STK32B: variants seen among roughly 807,000 people sequenced by gnomAD.
The protein encoded by STK32B is serine/threonine kinase 32B.
A neutral mutation model predicts 52.6 loss-of-function variants in STK32B; 43 were observed. That is an observed-to-expected ratio of 0.82 (90% confidence interval 0.64 to 1.05). The LOEUF (loss-of-function observed/expected upper bound fraction) is 1.05. Among genes scored for constraint, STK32B ranks in the 50% least tolerant of loss-of-function variants. STK32B has a pLI of 0.00. For missense variants in STK32B, 621 were observed against 534.6 expected (o/e 1.16, Z -1.59); for synonymous variants, 238 against 204.3 (o/e 1.17, Z -1.41).
At chr4:5,080,558 G>T (rs568624357) in intron 1 of STK32B, among the ~76,000 whole-genome samples, 1 of 152,084 alleles carries the variant, frequency 6.6e-6, no homozygotes, top group East Asian at 1.9e-4. Context: ...CTTGCACCTA[G>T]CTAATATATG....
At chr4:5,217,463 C>T (rs866545468) in intron 3 of STK32B, among the ~76,000 whole-genome samples, 2 of 151,958 alleles carry the variant, frequency 1.3e-5, no homozygotes, top group African/African-American at 2.4e-5. Context: ...GAATGCCAGT[C>T]CCCTTTTAGC....
chr4:5,230,294 A>G (rs1028274010), intron 3 of STK32B, among the ~76,000 whole-genome samples: 3 of 144,920 alleles, frequency 2.1e-5, no homozygotes, highest in Admixed American at 1.5e-4. Flanking sequence ...GGTTCAAGCA[A>G]TTCTCTTGTC....
chr4:5,333,416 A>G (rs1732409572), intron 4 of STK32B, among the ~76,000 whole-genome samples: 3 of 152,088 alleles, frequency 2.0e-5, no homozygotes, highest in African/African-American at 7.2e-5. Flanking sequence ...ATGTTCTCCC[A>G]TTTTGTAGGT....
In STK32B at chr4:5,408,364, A is replaced by T. The variant is rs577133919; in HGVS notation, c.473-8481A>T. Among the ~76,000 whole-genome samples, 13 of 151,836 alleles carry T rather than the reference A, an allele frequency of 8.6e-5. No individual in the cohort carries two copies. The South Asian group carries it at 2.7e-3, about 32-fold the overall frequency. ...GGTTGTTTAAATGCAGGTAGCACCT[A>T]CCCCCGTCTCTCTTCCTCCTGCTCC... On this transcript the variant is annotated intron_variant, in intron 5 of 11. Coordinates refer to ENST00000282908, the MANE Select transcript of STK32B (RefSeq NM_018401.3).
rs561391191 is a variant in STK32B at position 5,245,768 on chromosome 4, G to A, written c.260+77318G>A. 2.1e-3 allele frequency among the ~76,000 whole-genome samples: 322 copies of A among 152,222 alleles called. 2 individuals are homozygous for A. Among genetic ancestry groups the A allele is most frequent in the African/African-American group, 7.5e-3 (310 of 41,526 alleles). On this transcript the variant is annotated intron_variant, in intron 3 of 11. Coordinates refer to ENST00000282908, the MANE Select transcript of STK32B (RefSeq NM_018401.3). ...CAGGAGCTCTTTTAGGGCAGGCCTGGTGGTGACACAATCTCTCAGCATTTG... is the reference window on the plus strand; with the variant it reads ...CAGGAGCTCTTTTAGGGCAGGCCTGATGGTGACACAATCTCTCAGCATTTG...
At chr4:5,321,513 G>T (rs967892172) in intron 3 of STK32B, among the ~76,000 whole-genome samples, 1 of 152,272 alleles carries the variant, frequency 6.6e-6, no homozygotes, top group East Asian at 1.9e-4. Flanking sequence ...GGGAGCAGGA[G>T]CTACTGTTTC....
intron 3 of STK32B, among the ~76,000 whole-genome samples, chr4:5,294,884 A>G (rs1729097072): frequency 6.6e-6 from 1 of 152,108 alleles, no homozygotes; most frequent in African/African-American, 2.4e-5. Flanking sequence ...GTTTTTGCCC[A>G]TTCAGTATGA....
At chr4:5,373,518 T>C (rs1276624599) in intron 4 of STK32B, among the ~76,000 whole-genome samples, 1 of 152,228 alleles carries the variant, frequency 6.6e-6, no homozygotes, top group East Asian at 1.9e-4. Flanking sequence ...GGCCTTCAAC[T>C]GATCGGACAA....
chr4:5,220,722 C>T (rs1028984511), intron 3 of STK32B, among the ~76,000 whole-genome samples: 2 of 152,124 alleles, frequency 1.3e-5, no homozygotes, highest in African/African-American at 4.8e-5. Context: ...GGGATTATGT[C>T]TGCCTTGTTA....
intron 7 of STK32B, among the ~76,000 whole-genome samples, chr4:5,451,458 A>G (rs1295474954): frequency 6.6e-6 from 1 of 152,198 alleles, no homozygotes; most frequent in African/African-American, 2.4e-5. Flanking sequence ...CATGGTACCT[A>G]AGCAGAGAAG....
chr4:5,498,826 A>G, intron 11 of STK32B, 119 bp from the exon 12 acceptor site: 1 of 1,356,366 alleles, frequency 7.4e-7, no homozygotes, highest in Non-Finnish European at 9.8e-7. Context: ...CAATCTTCCC[A>G]GGTAGGGGAA....
chr4:5,190,306 C>T (rs1721079743), intron 3 of STK32B, among the ~76,000 whole-genome samples: 1 of 152,186 alleles, frequency 6.6e-6, no homozygotes, highest in Admixed American at 6.5e-5. Context: ...GTATCTGACA[C>T]TCTGCCAAAA....
chr4:5,140,068 C>T (rs1275502721), intron 2 of STK32B, 108 bp downstream of exon 2: 11 of 1,501,434 alleles, frequency 7.3e-6, no homozygotes, highest in South Asian at 5.7e-5. Context: ...AGTAAGATTT[C>T]GACTTGACAA....
intron 1 of STK32B, among the ~76,000 whole-genome samples, chr4:5,138,197 T>C (rs1183813864): frequency 6.6e-6 from 1 of 152,228 alleles, no homozygotes; most frequent in Non-Finnish European, 1.5e-5. Flanking sequence ...AGTTAACCAT[T>C]AACTCCGTCT....
intron 4 of STK32B, among the ~76,000 whole-genome samples, chr4:5,369,733 G>T (rs562362527): frequency 4.7e-4 from 72 of 152,206 alleles, no homozygotes; most frequent in East Asian, 1.4e-3. Context: ...GACCAATTGT[G>T]CCAAGATTTG....
intron 3 of STK32B, among the ~76,000 whole-genome samples, chr4:5,266,764 C>T (rs908484259): frequency 6.6e-6 from 1 of 152,104 alleles, no homozygotes; most frequent in Non-Finnish European, 1.5e-5. Context: ...TTCCCCTTGG[C>T]CTCTTTGAGA....
intron 3 of STK32B, among the ~76,000 whole-genome samples, chr4:5,206,989 T>C (rs1722613622): frequency 6.6e-6 from 1 of 152,234 alleles, no homozygotes; most frequent in Admixed American, 6.5e-5. Context: ...CTGGGCTTTA[T>C]TAGTCTTTGT....
At position 5,398,310 on chromosome 4, in the gene STK32B, C is replaced by G; in HGVS notation, c.472+66C>G. 1.9e-6 allele frequency: 3 copies of G among 1,563,150 alleles called. No homozygotes were observed. Among genetic ancestry groups the G allele is most frequent in the Non-Finnish European group, 2.6e-6 (3 of 1,137,792 alleles). On this transcript the variant is annotated intron_variant, in intron 5 of 11. Transcript: ENST00000282908. This position sits in a 1 kb window ranked among gnomAD's most constrained non-coding sequence, Gnocchi z 4.9. Reference sequence around the variant, plus strand: ...AAGTTTGAGGCACTGGGAAATAGTGCGGGGGTGGGGGTTGGGTCTTGCTGA... The same window carrying G: ...AAGTTTGAGGCACTGGGAAATAGTGGGGGGGTGGGGGTTGGGTCTTGCTGA...
chr4:5,426,692 CAAA>C (rs746246839), intron 6 of STK32B, among the ~76,000 whole-genome samples: 144 of 78,014 alleles, frequency 1.8e-3, no homozygotes, highest in African/African-American at 6.1e-3. Context: ...TCCATCTAAA[CAAA>C]AAAAAAAAAA....
Sources: allele counts gnomAD v4.1 joint callset (sites outside exome capture counted in the v4.1 genomes callset), GRCh38; gene constraint gnomAD v4.1.1; non-coding constraint Gnocchi (gnomAD v3.1); transcripts MANE v1.5; gene names NCBI Gene and HGNC (gene_info 2026-07-23, HGNC 2026-07-21).